Variants in SLC15A5 observed in about 807,000 individuals in gnomAD.
The protein encoded by SLC15A5 is solute carrier family 15 member 5.
A neutral mutation model predicts 56.1 loss-of-function variants in SLC15A5; 58 were observed. That is an observed-to-expected ratio of 1.03 (90% confidence interval 0.84 to 1.29). The LOEUF (loss-of-function observed/expected upper bound fraction) is 1.29. SLC15A5 is among the 50% of genes most tolerant of loss of function. The pLI is 0.00. For missense variants in SLC15A5, 681 were observed against 672.1 expected (o/e 1.01, Z -0.15); for synonymous variants, 264 against 250.5 (o/e 1.05, Z -0.51).
chr12:16,239,819 C>G lies in SLC15A5; in HGVS notation c.1024G>C (p.Asp342His). 2 of 1,537,134 alleles carry G rather than the reference C, an allele frequency of 1.3e-6. No individual in the cohort carries two copies. The highest frequency in any genetic ancestry group is 1.7e-6 in the Non-Finnish European group (2 of 1,146,866). Residue 342 changes from aspartate (D) to histidine (H), a missense_variant, in exon 5 of 9, where the codon GAT becomes CAT. By Grantham distance (81) the Asp-to-His change is moderately conservative (BLOSUM62 -1). Transcript: ENST00000344941. ...ACTGCAATCGGCAGAAGAAATCCATCCAAATTCAGGTTGGAATTCATAGTT... is the reference window on the plus strand; with the variant it reads ...ACTGCAATCGGCAGAAGAAATCCATGCAAATTCAGGTTGGAATTCATAGTT... ...LQTMNSNLNL[D>H]GFLLPIAVMN...
intron 3 of SLC15A5, among the ~76,000 whole-genome samples, chr12:16,245,593 G>A (rs191753924): frequency 1.3e-5 from 2 of 152,214 alleles, no homozygotes; most frequent in South Asian, 2.1e-4. Flanking sequence ...AGAGACCCCC[G>A]TTTAGGCAGC....
At chr12:16,262,332 T>C (rs978096740) in intron 2 of SLC15A5, among the ~76,000 whole-genome samples, 7 of 152,232 alleles carry the variant, frequency 4.6e-5, no homozygotes, top group African/African-American at 1.7e-4. Context: ...CTCATTCCTC[T>C]CATCACATTT....
At chr12:16,233,570 C>G (rs985445608) in intron 5 of SLC15A5, among the ~76,000 whole-genome samples, 3 of 152,164 alleles carry the variant, frequency 2.0e-5, no homozygotes, top group African/African-American at 7.2e-5. Flanking sequence ...GATTGGCTAA[C>G]CCCTGGTTTA....
chr12:16,258,585 A>C (rs1465561207), intron 2 of SLC15A5, among the ~76,000 whole-genome samples: 1 of 152,196 alleles, frequency 6.6e-6, no homozygotes, highest in African/African-American at 2.4e-5. Context: ...AAATGCAATA[A>C]AATTTACTCA....
intron 3 of SLC15A5, among the ~76,000 whole-genome samples, chr12:16,248,884 T>C (rs1323657110): frequency 1.3e-5 from 2 of 152,112 alleles, no homozygotes; most frequent in Non-Finnish European, 1.5e-5. Context: ...TAAATGTGCA[T>C]GGCAAACACA....
intron 3 of SLC15A5, among the ~76,000 whole-genome samples, chr12:16,254,628 C>G (rs999230130): frequency 1.3e-5 from 2 of 152,056 alleles, no homozygotes; most frequent in African/African-American, 4.8e-5. Context: ...CATATCTCAG[C>G]TATTGTGAGT....
chr12:16,228,168 T>C (rs979467451), intron 5 of SLC15A5, among the ~76,000 whole-genome samples: 1 of 152,026 alleles, frequency 6.6e-6, no homozygotes, highest in East Asian at 1.9e-4. Flanking sequence ...CAGAAGACAA[T>C]TGAAAATGTG....
intron 7 of SLC15A5, among the ~76,000 whole-genome samples, chr12:16,201,279 T>C (rs1259923784): frequency 6.6e-6 from 1 of 152,026 alleles, no homozygotes. Context: ...ACACTACAAA[T>C]AGACAAAGTA....
intron 7 of SLC15A5, among the ~76,000 whole-genome samples, chr12:16,195,600 C>G (rs1863886705): frequency 6.6e-6 from 1 of 151,986 alleles, no homozygotes; most frequent in South Asian, 2.1e-4. Context: ...AGGAACAACT[C>G]CTACAATGGA....
rs976811094 is a variant in SLC15A5, at chr12:16,243,192, A to T, written c.975+1388T>A. ...ATGGACGCTAAAATTTAAATTTTAT[A>T]TATTTTTCTTTGCTTTTTCTCTTTT... On this transcript the variant is annotated intron_variant, in intron 4 of 8. Transcript: ENST00000344941. The surrounding 1 kb of genome is among the most constrained non-coding windows in gnomAD (Gnocchi z 4.4). Among the ~76,000 whole-genome samples the T allele has an allele frequency of 2.1e-5, 3 of 144,094 alleles. No individual in the cohort carries two copies. The highest frequency in any genetic ancestry group is 4.5e-5 in the Non-Finnish European group (3 of 67,140). 94.5% of individuals were successfully genotyped at this position (144,094 alleles called of 152,430 possible). A position where few individuals can be genotyped will look rare whatever the true frequency, so the allele number is the denominator to read the frequency against.
rs1200810977 is a variant in SLC15A5 at position 16,257,778 on chromosome 12, A to G, written c.677T>C (p.Ile226Thr). 6.5e-7 allele frequency: 1 copy of G among 1,532,840 alleles called. No individual in the cohort carries two copies. The highest frequency in any genetic ancestry group is 2.0e-5 in the Admixed American group (1 of 50,092). The allele number at this position is 1,532,840 out of a possible 1,614,324, so 95.0% of individuals were successfully genotyped here. The change falls in exon 3 of 9, where the codon ATT (isoleucine) becomes ACT (threonine). Residue 226 changes from isoleucine (I) to threonine (T), a missense_variant. Ile to Thr is a moderately conservative substitution (Grantham distance 89). Coordinates refer to ENST00000344941, the MANE Select transcript of SLC15A5 (RefSeq NM_001170798.1). ...AGCCATAAGCATAGACATAAAAGGAATAAGTAAAACAAGGGCCCAGGCCTG... is the reference window on the plus strand; with the variant it reads ...AGCCATAAGCATAGACATAAAAGGAGTAAGTAAAACAAGGGCCCAGGCCTG... ...HSQAWALVLL[I>T]PFMSMLMAVI...
rs1211029471 is a variant in SLC15A5 at position 16,269,895 on chromosome 12, CCTT to C, written c.584+2663_584+2665del. Among the ~76,000 whole-genome samples the C allele has an allele frequency of 2.0e-5, 3 of 152,162 alleles. No individual in the cohort carries two copies. The highest frequency in any genetic ancestry group is 2.1e-4 in the South Asian group (1 of 4,834). ...GGCCAGGAACAGACTTCATTATCCT[CCTT>C]CTTTTTGCTTCCAGAAAAGAATCTG... is the stretch of plus-strand genomic sequence containing the variant. On this transcript the variant is annotated intron_variant, in intron 2 of 8. Coordinates refer to ENST00000344941, the MANE Select transcript of SLC15A5 (RefSeq NM_001170798.1). The surrounding 1 kb of genome is among the most constrained non-coding windows in gnomAD (Gnocchi z 4.7).
intron 2 of SLC15A5, among the ~76,000 whole-genome samples, chr12:16,267,733 C>CTTT (rs1224683217): frequency 1.1e-4 from 3 of 27,514 alleles, no homozygotes; most frequent in African/African-American, 1.5e-4. Flanking sequence ...CACCCCCCAC[C>CTTT]TTTTTTTTTT....
rs555409722 is a variant in SLC15A5 at position 16,275,580 on chromosome 12, G to C, written c.361+1745C>G. Among the ~76,000 whole-genome samples the C allele has an allele frequency of 2.6e-5, 4 of 152,118 alleles. No individual in the cohort carries two copies. In the East Asian group the frequency reaches 7.7e-4, roughly 29 times the overall value. ...AAGCTGCATTTTTTCAGCTAGGGTA[G>C]TAGCAATTCAGACAGAAGACCTTTC... On this transcript the variant is annotated intron_variant, in intron 1 of 8. Transcript: ENST00000344941.
intron 7 of SLC15A5, among the ~76,000 whole-genome samples, chr12:16,212,883 T>C (rs944929925): frequency 6.6e-6 from 1 of 152,152 alleles, no homozygotes; most frequent in South Asian, 2.1e-4. Context: ...AAAAATAAAG[T>C]GCTGCATCTA....
intron 8 of SLC15A5, among the ~76,000 whole-genome samples, chr12:16,191,638 A>G (rs908832473): frequency 2.0e-5 from 3 of 152,098 alleles, no homozygotes; most frequent in African/African-American, 7.2e-5. Flanking sequence ...GTGTTTGACA[A>G]AAATAATCAG....
intron 7 of SLC15A5, among the ~76,000 whole-genome samples, chr12:16,215,541 T>C (rs779811863): frequency 6.6e-6 from 1 of 152,206 alleles, no homozygotes; most frequent in African/African-American, 2.4e-5. Flanking sequence ...ATGCCAGTGC[T>C]TTGTCTCTAG....
intron 6 of SLC15A5, among the ~76,000 whole-genome samples, chr12:16,218,493 G>T (rs1471948777): frequency 1.3e-5 from 2 of 152,024 alleles, no homozygotes; most frequent in Non-Finnish European, 2.9e-5. Context: ...TCGAGTATAC[G>T]TATACAAACC....
At chr12:16,207,793 A>G (rs534599900) in intron 7 of SLC15A5, among the ~76,000 whole-genome samples, 1 of 152,090 alleles carries the variant, frequency 6.6e-6, no homozygotes, top group East Asian at 1.9e-4. Context: ...AGCAGGGATT[A>G]CAGGTGCACG....
Sources: gnomAD v4.1 joint callset for allele counts (sites outside exome capture counted in the v4.1 genomes callset) on GRCh38, gnomAD v4.1.1 for gene constraint, Gnocchi (gnomAD v3.1) non-coding constraint, MANE v1.5 for transcripts, NCBI Gene and HGNC (gene_info 2026-07-23, HGNC 2026-07-21) for gene names.